Variants in GALNT18 observed in about 807,000 individuals in gnomAD.
GALNT18 encodes GalNAc-transferase 18.
Under a neutral mutation model 69.5 loss-of-function variants are expected in GALNT18, and 44 were observed. The ratio of observed to expected loss-of-function variants is 0.63; its 90% confidence interval spans 0.50 to 0.81. The LOEUF (loss-of-function observed/expected upper bound fraction) is 0.81, where lower values mean the gene tolerates loss of function less well. Among genes scored for constraint, GALNT18 ranks in the 40% least tolerant of loss-of-function variants. The pLI is 0.00. For synonymous variants in GALNT18, 364 were observed against 318.2 expected, an observed-to-expected ratio of 1.14 and a Z score of -1.53; for missense variants, 715 against 810.0, an observed-to-expected ratio of 0.88 and a Z score of 1.42.
rs141943570 is a variant in GALNT18 at position 11,511,116 on chromosome 11, T to TC, written c.236-62181dup. Among the ~76,000 whole-genome samples the TC allele has an allele frequency of 0.099, 15,137 of 152,150 alleles. 1,006 individuals carry two copies. Among genetic ancestry groups the TC allele is most frequent in the South Asian group, 0.2 (941 of 4,802 alleles). Reference sequence around the variant, plus strand: ...GGCCAGGCTGCAGCTGAAGGCCTTCTCTCCCGGGGGTTGTAAAAACAGGCT... The same window carrying TC: ...GGCCAGGCTGCAGCTGAAGGCCTTCTCCTCCCGGGGGTTGTAAAAACAGGCT... On this transcript the variant is annotated intron_variant, in intron 1 of 10. Transcript: ENST00000227756. This position sits in a 1 kb window ranked among gnomAD's most constrained non-coding sequence, Gnocchi z 4.9.
At chr11:11,361,277 C>G (rs1415267019) in intron 6 of GALNT18, among the ~76,000 whole-genome samples, 2 of 152,214 alleles carry the variant, frequency 1.3e-5, no homozygotes, top group Admixed American at 6.5e-5. Context: ...TCTGAAGCCA[C>G]CTTTCTTGGG....
At chr11:11,328,459 G>A (rs1041130716) in intron 8 of GALNT18, among the ~76,000 whole-genome samples, 2 of 152,174 alleles carry the variant, frequency 1.3e-5, no homozygotes, top group African/African-American at 4.8e-5. Context: ...CTGATGGTTT[G>A]TGGCAGGAGC....
Position 11,271,307 on chromosome 11 carries a change from A to G in GALNT18, c.1678-17T>C, listed in dbSNP as rs1177789794. On this transcript the variant is annotated splice_polypyrimidine_tract_variant and intron_variant, in intron 10 of 10. Coordinates refer to ENST00000227756, the MANE Select transcript of GALNT18 (RefSeq NM_198516.3). ...GGGTCCTCCCTAGGGGCCAGGGCAG[A>G]CAGTGGGGTCAGAGGGCATAGAGGC... 1 of 1,611,296 alleles carries G rather than the reference A, an allele frequency of 6.2e-7. No individual in the cohort carries two copies. Among genetic ancestry groups the G allele is most frequent in the African/African-American group, 1.3e-5 (1 of 74,908 alleles).
At position 11,619,471 on chromosome 11, in the gene GALNT18, C is replaced by T. The variant is rs756889070; in HGVS notation, c.235+1888G>A. ...ATCATGTGACATGGTCCACATTCCACATGACTGGCACCCACTCCGTTACAG... is the reference window on the plus strand; with the variant it reads ...ATCATGTGACATGGTCCACATTCCATATGACTGGCACCCACTCCGTTACAG... On this transcript the variant is annotated intron_variant, in intron 1 of 10. Transcript: ENST00000227756. The surrounding 1 kb of genome is among the most constrained non-coding windows in gnomAD (Gnocchi z 4.9). Among the ~76,000 whole-genome samples, 9 of 152,194 alleles carry T rather than the reference C, an allele frequency of 5.9e-5. No homozygotes were observed. Among genetic ancestry groups the T allele is most frequent in the Non-Finnish European group, 1.3e-4 (9 of 68,044 alleles).
At chr11:11,363,533 A>C (rs1438211216) in intron 6 of GALNT18, among the ~76,000 whole-genome samples, 2 of 152,218 alleles carry the variant, frequency 1.3e-5, no homozygotes, top group African/African-American at 4.8e-5. Flanking sequence ...ACAGGTACCT[A>C]TGTTGTTGTC....
chr11:11,315,932 G>A lies in GALNT18; in HGVS notation c.1512+11154C>T, dbSNP rs563065108. On this transcript the variant is annotated intron_variant, in intron 9 of 10. Transcript: ENST00000227756. The surrounding 1 kb of genome is among the most constrained non-coding windows in gnomAD (Gnocchi z 5.6). ...CAGAAGCTGAGGGTGGCTGCCGAGA[G>A]TGAGCCTCACAGGGCCAGTCCCCGC... is the stretch of plus-strand genomic sequence containing the variant. Among the ~76,000 whole-genome samples the A allele has an allele frequency of 6.0e-4, 92 of 152,118 alleles. No homozygotes were observed. The highest frequency in any genetic ancestry group is 1.2e-3 in the Non-Finnish European group (83 of 68,014).
intron 1 of GALNT18, among the ~76,000 whole-genome samples, chr11:11,508,024 C>T (rs2133908814): frequency 6.6e-6 from 1 of 152,266 alleles, no homozygotes. Flanking sequence ...TGTATATTAC[C>T]ATAATACCAT....
chr11:11,392,628 A>G (rs1221170976), intron 3 of GALNT18, among the ~76,000 whole-genome samples: 2 of 152,172 alleles, frequency 1.3e-5, no homozygotes, highest in Non-Finnish European at 2.9e-5. Flanking sequence ...TCAAAAAGAA[A>G]AAAGAAAAAA....
chr11:11,467,930 C>T (rs963351196), intron 1 of GALNT18, among the ~76,000 whole-genome samples: 15 of 152,218 alleles, frequency 9.9e-5, no homozygotes, highest in South Asian at 2.1e-4. Context: ...CAGATCACCC[C>T]GAGATGTTCC....
chr11:11,517,000 T>C (rs1857291645), intron 1 of GALNT18, among the ~76,000 whole-genome samples: 1 of 152,188 alleles, frequency 6.6e-6, no homozygotes, highest in East Asian at 1.9e-4. Flanking sequence ...AGAGCCCTCA[T>C]CAATGAGATT....
intron 1 of GALNT18, among the ~76,000 whole-genome samples, chr11:11,503,436 G>A (rs1454267640): frequency 6.6e-6 from 1 of 152,138 alleles, no homozygotes; most frequent in Non-Finnish European, 1.5e-5. Flanking sequence ...CTAATCAGGT[G>A]CCCACCTCCA....
intron 9 of GALNT18, among the ~76,000 whole-genome samples, chr11:11,308,843 G>C (rs4909984): frequency 6.6e-6 from 1 of 152,012 alleles, no homozygotes; most frequent in African/African-American, 2.4e-5. Flanking sequence ...CAGCATTCAC[G>C]TTGCACTGTG....
intron 6 of GALNT18, among the ~76,000 whole-genome samples, chr11:11,367,167 T>C (rs1402640505): frequency 1.3e-5 from 2 of 152,054 alleles, no homozygotes; most frequent in Admixed American, 1.3e-4. Context: ...CCCAATCAGA[T>C]CTTGTGATGA....
Position 11,432,541 on chromosome 11 carries a change from T to C in GALNT18, c.595+80A>G. On this transcript the variant is annotated intron_variant, in intron 3 of 10. Transcript: ENST00000227756. This position sits in a 1 kb window ranked among gnomAD's most constrained non-coding sequence, Gnocchi z 5.8. ...GCAGCCACAGACAGCCTTGAGCAAA[T>C]GTGAACCACGACGCTGAACCATCAG... 7.0e-7 allele frequency: 1 copy of C among 1,419,468 alleles called. No individual in the cohort carries two copies. The highest frequency in any genetic ancestry group is 9.6e-7 in the Non-Finnish European group (1 of 1,044,594). The allele number at this position is 1,419,468 out of a possible 1,614,324, so 87.9% of individuals were successfully genotyped here.
Position 11,435,968 on chromosome 11 carries a change from G to A in GALNT18, c.429-3181C>T, listed in dbSNP as rs2133800551. On this transcript the variant is annotated intron_variant, in intron 2 of 10. Transcript: ENST00000227756. This position sits in a 1 kb window ranked among gnomAD's most constrained non-coding sequence, Gnocchi z 4.4. ...TTTCTCTTCTCTCCTGGGACTGCTG[G>A]GGCCTCCTGGCGACAGCCATGCTGC... 6.6e-6 allele frequency among the ~76,000 whole-genome samples: 1 copy of A among 152,294 alleles called. No homozygotes were observed. The highest frequency in any genetic ancestry group is 1.9e-4 in the East Asian group (1 of 5,184).
chr11:11,280,449 C>T (rs1849047866), intron 10 of GALNT18, among the ~76,000 whole-genome samples: 1 of 152,004 alleles, frequency 6.6e-6, no homozygotes, highest in Non-Finnish European at 1.5e-5. Context: ...TGCAGTCTTC[C>T]CCCAGCTGCC....
intron 1 of GALNT18, among the ~76,000 whole-genome samples, chr11:11,559,758 T>C: frequency 6.7e-6 from 1 of 150,142 alleles, no homozygotes; most frequent in East Asian, 2.0e-4. Flanking sequence ...TGGGATGGGA[T>C]AGGATGGAAC....
intron 1 of GALNT18, among the ~76,000 whole-genome samples, chr11:11,528,113 T>G (rs1036767245): frequency 4.6e-5 from 7 of 152,160 alleles, no homozygotes; most frequent in Admixed American, 4.6e-4. Context: ...GTAGGTGACA[T>G]ATGAATAGAG....
rs748699252 is a variant in GALNT18 at position 11,621,599 on chromosome 11, G to A, written c.-6C>T. 7.0e-6 allele frequency: 11 copies of A among 1,577,718 alleles called. No homozygotes were observed. The Middle Eastern group carries it at 5.0e-4, about 72-fold the overall frequency. On this transcript the variant is annotated 5_prime_UTR_variant, in exon 1 of 11. Coordinates refer to ENST00000227756, the MANE Select transcript of GALNT18 (RefSeq NM_198516.3). The surrounding 1 kb of genome is among the most constrained non-coding windows in gnomAD (Gnocchi z 9.3). ...GTCTTCCTGGTGCACACCATTCTGG[G>A]CTCCTTCCTCCATATAGAGCTCCCG...
Sources: allele counts gnomAD v4.1 joint callset (sites outside exome capture counted in the v4.1 genomes callset), GRCh38; gene constraint gnomAD v4.1.1; non-coding constraint Gnocchi (gnomAD v3.1); transcripts MANE v1.5; gene names NCBI Gene and HGNC (gene_info 2026-07-23, HGNC 2026-07-21).